The following DEPDC4 variants were observed in gnomAD, a reference collection of about 807,000 sequenced individuals.
DEPDC4 encodes DEP domain containing 4.
Under a neutral mutation model 52.0 loss-of-function variants are expected in DEPDC4, and 52 were observed. The ratio of observed to expected loss-of-function variants is 1.00; its 90% CI spans 0.80 to 1.26. The LOEUF is 1.26. DEPDC4 is among the 50% of genes most tolerant of loss of function. The pLI, the probability that DEPDC4 is intolerant of heterozygous loss-of-function variation, is 0.00. For synonymous variants in DEPDC4, 201 were observed against 196.8 expected (o/e 1.02, Z -0.18); for missense variants, 530 against 546.9 (o/e 0.97, Z 0.31).
At chr12:100,245,571 C>G (rs759610931) in intron 8 of DEPDC4, among the ~76,000 whole-genome samples, 1 of 152,272 alleles carries the variant, frequency 6.6e-6, no homozygotes, top group Admixed American at 6.5e-5. Flanking sequence ...CGCCGAGTCA[C>G]TTTTCTTCGT....
At chr12:100,238,399 A>G (rs1233299886), downstream of DEPDC4, among the ~76,000 whole-genome samples, 2 of 151,598 alleles carry the variant, frequency 1.3e-5, no homozygotes, top group Non-Finnish European at 2.9e-5. Context: ...ATCTCAGGTC[A>G]TCTGCCTGCC....
chr12:100,267,161 G>T, upstream of DEPDC4: 2 of 1,447,160 alleles, frequency 1.4e-6, no homozygotes, highest in Middle Eastern at 2.2e-4. Context: ...TCATGCCCCC[G>T]GCCGGCAGGT....
intron 7 of DEPDC4, among the ~76,000 whole-genome samples, chr12:100,251,409 T>A (rs760579634): frequency 2.6e-5 from 4 of 152,204 alleles, no homozygotes; most frequent in African/African-American, 7.2e-5. Flanking sequence ...GTTTTACTAA[T>A]GCTACTGCTA....
Position 100,252,300 on chromosome 12 carries a change from T to C in DEPDC4, c.1250A>G (p.Tyr417Cys), listed in dbSNP as rs912979856. ...TTTCAGGACCACTGTTTTATTATCA[T>C]ACTGTAAACAGAAAGATTAACATTA... is the stretch of plus-strand genomic sequence containing the variant. ...EPNAYKLQKQYDNKTVVLKTL... is the reference protein window; with the variant it reads ...EPNAYKLQKQCDNKTVVLKTL... The change falls in exon 7 of 10, where the codon TAT becomes TGT. Residue 417 changes from tyrosine (Y) to cysteine (C), a missense_variant and splice_region_variant. By Grantham distance (194) the Tyr-to-Cys change is radical (BLOSUM62 -2). Transcript: ENST00000550587. 2.0e-5 allele frequency: 29 copies of C among 1,466,572 alleles called. No individual in the cohort carries two copies. Among genetic ancestry groups the C allele is most frequent in the Non-Finnish European group, 2.5e-5 (28 of 1,113,268 alleles). 90.8% of individuals were successfully genotyped at this position (1,466,572 alleles called of 1,614,324 possible). A position where few individuals can be genotyped will look rare whatever the true frequency, so the allele number is the denominator to read the frequency against.
the DEPDC4 span, among the ~76,000 whole-genome samples, chr12:100,274,884 T>G: frequency 6.6e-6 from 1 of 152,210 alleles, no homozygotes; most frequent in Non-Finnish European, 1.5e-5. Flanking sequence ...AGCCTGTGGA[T>G]CCCTTCTCAC....
chr12:100,253,622 T>G lies in DEPDC4; in HGVS notation c.972A>C (p.Arg324Ser), dbSNP rs1166792623. The G allele has an allele frequency of 9.3e-6, 12 of 1,289,556 alleles. No homozygotes were observed. The East Asian group carries it at 6.7e-4, about 71-fold the overall frequency. 79.9% of individuals were successfully genotyped at this position (1,289,556 alleles called of 1,614,324 possible). Residue 324 changes from arginine to serine, a missense_variant, in exon 5 of 10, where the codon AGA becomes AGC. Arg to Ser is a moderately radical substitution (Grantham distance 110). Transcript: ENST00000550587. ...GACTGTTCAATCTTGTCTCTTCATT[T>G]CTGTTTTGCATTAACTGCTGACTAA... Reference protein sequence around the residue: ...VTVSQQLMQNRNEETRLNSQK... With the variant: ...VTVSQQLMQNSNEETRLNSQK...
rs1047730828 is a variant in DEPDC4, at chr12:100,241,052, A to AAAAACAAAAC, written c.*830_*839dup. ...CTGGGACAGAGCAAGACTCCATTTC[A>AAAAACAAAAC]AAAACAAAACAAAACAAAACAAAAC... On this transcript the variant is annotated 3_prime_UTR_variant, in exon 10 of 10. Transcript: ENST00000550587. Among the ~76,000 whole-genome samples, 1 of 152,152 alleles carries AAAAACAAAAC rather than the reference A, an allele frequency of 6.6e-6. No homozygotes were observed. Among genetic ancestry groups the AAAAACAAAAC allele is most frequent in the South Asian group, 2.1e-4 (1 of 4,836 alleles).
chr12:100,262,546 A>G (rs2096257429), intron 2 of DEPDC4, 137 bp from the exon 3 acceptor site: 1 of 581,748 alleles, frequency 1.7e-6, no homozygotes, highest in Non-Finnish European at 2.7e-6. Context: ...ATAATAAAAG[A>G]TGCAAATAAT....
chr12:100,272,223 C>A, the DEPDC4 span, among the ~76,000 whole-genome samples: 42 of 152,124 alleles, frequency 2.8e-4, no homozygotes, highest in Non-Finnish European at 2.9e-4. Flanking sequence ...CCTTACATGA[C>A]TAAGAATTTC....
At chr12:100,267,508 C>T (rs1022644185), upstream of DEPDC4, 1 of 155,258 alleles carries the variant, frequency 6.4e-6, no homozygotes, top group African/African-American at 2.4e-5. Context: ...GTTAGGCCTC[C>T]CAGGGCCGCT....
chr12:100,259,081 A>AAAAATATATAT (rs543577636), intron 3 of DEPDC4, among the ~76,000 whole-genome samples: 3 of 149,092 alleles, frequency 2.0e-5, no homozygotes, highest in African/African-American at 5.0e-5. Context: ...AAAAAAAAAA[A>AAAAATATATAT]ATATATATAT....
downstream of DEPDC4, among the ~76,000 whole-genome samples, chr12:100,236,545 T>C (rs1396839593): frequency 6.6e-6 from 1 of 152,186 alleles, no homozygotes. Flanking sequence ...GATTGTTTTT[T>C]TCTTACTGAT....
chr12:100,263,204 T>C (rs1481379769), intron 2 of DEPDC4, among the ~76,000 whole-genome samples: 2 of 152,182 alleles, frequency 1.3e-5, no homozygotes, highest in African/African-American at 4.8e-5. Context: ...TCAAGTGATC[T>C]GTCCGTCTTG....
chr12:100,252,629 G>A (rs1445931730), intron 5 of DEPDC4, 93 bp from the exon 6 acceptor site: 3 of 1,233,512 alleles, frequency 2.4e-6, no homozygotes, highest in Non-Finnish European at 3.3e-6. Context: ...ATGCTACAAT[G>A]TTGTATTAGT....
At chr12:100,268,023 A>G (rs141451497), upstream of DEPDC4, among the ~76,000 whole-genome samples, 746 of 152,322 alleles carry the variant, frequency 4.9e-3, 3 homozygotes, top group South Asian at 7.9e-3. Flanking sequence ...GTTTAGACCG[A>G]TAAAGCTTGC....
At position 100,252,248 on chromosome 12, in the gene DEPDC4, G is replaced by C; in HGVS notation, c.1302C>G (p.Ala434=). 1 of 1,372,496 alleles carries C rather than the reference G, an allele frequency of 7.3e-7. No individual in the cohort carries two copies. The highest frequency in any genetic ancestry group is 9.4e-7 in the Non-Finnish European group (1 of 1,058,856). 85.0% of individuals were successfully genotyped at this position (1,372,496 alleles called of 1,614,324 possible). A position where few individuals can be genotyped will look rare whatever the true frequency, so the allele number is the denominator to read the frequency against. Reference sequence around the variant, plus strand: ...CTGCCCGCACTTTTAATAATGATTTGGCTTGCAAAACTGATTTGGCAAGAG... The same window carrying C: ...CTGCCCGCACTTTTAATAATGATTTCGCTTGCAAAACTGATTTGGCAAGAG... The part of the protein sequence containing the change: ...LKTLAKSVLQ[A]KSLLKVRAEQ... Residue 434 remains alanine, a synonymous_variant, in exon 7 of 10, where the codon GCC becomes GCG. Coordinates refer to ENST00000550587, the MANE Select transcript of DEPDC4 (RefSeq NM_001364818.2).
At chr12:100,261,180 C>CAA (rs536040088) in intron 3 of DEPDC4, among the ~76,000 whole-genome samples, 79 of 68,382 alleles carry the variant, frequency 1.2e-3, no homozygotes, top group Middle Eastern at 8.3e-3. Flanking sequence ...GACTCCGTCT[C>CAA]AAAAAAAAAA....
chr12:100,272,050 T>A (rs1172900856), upstream of DEPDC4, among the ~76,000 whole-genome samples: 1 of 152,184 alleles, frequency 6.6e-6, no homozygotes, highest in Admixed American at 6.5e-5. Context: ...ATTCACATGC[T>A]GGTTCTATTG....
intron 9 of DEPDC4, among the ~76,000 whole-genome samples, chr12:100,234,267 C>G (rs1314522521): frequency 2.0e-5 from 3 of 152,150 alleles, no homozygotes. Flanking sequence ...GAGAGAGATA[C>G]TAGCCTCAAA....
Sources: allele counts gnomAD v4.1 joint callset (sites outside exome capture counted in the v4.1 genomes callset), GRCh38; gene constraint gnomAD v4.1.1; transcripts MANE v1.5; gene names NCBI Gene and HGNC (gene_info 2026-07-23, HGNC 2026-07-21).